Variants in STT3A observed in about 807,000 individuals in gnomAD.
STT3A encodes the protein dolichyl-diphosphooligosaccharide--protein glycosyltransferase subunit STT3A.
In STT3A, 34 loss-of-function variants were observed where a neutral mutation model predicts 89.2. The ratio of observed to expected loss-of-function variants is 0.38; its 90% CI spans 0.29 to 0.51. The LOEUF (loss-of-function observed/expected upper bound fraction) is 0.51, where lower values mean the gene tolerates loss of function less well. Among genes scored for constraint, STT3A ranks in the 20% least tolerant of loss-of-function variants. The pLI, the probability that STT3A is intolerant of heterozygous loss-of-function variation, is 0.89. For synonymous variants in STT3A, 282 were observed against 310.3 expected (o/e 0.91, Z 0.96); for missense variants, 555 against 889.5 (o/e 0.62, Z 4.78).
intron 3 of STT3A, among the ~76,000 whole-genome samples, chr11:125,599,372 T>C (rs949323582): frequency 7.2e-5 from 11 of 152,196 alleles, no homozygotes; most frequent in Non-Finnish European, 4.4e-5. Flanking sequence ...TCCATAGTAA[T>C]TAAACTGTCT....
At chr11:125,604,016 C>T in intron 5 of STT3A, 141 bp from the exon 6 acceptor site, 1 of 813,730 alleles carries the variant, frequency 1.2e-6, no homozygotes, top group Non-Finnish European at 1.9e-6. Context: ...GCATTTCTAG[C>T]ATTTCTAACA....
At chr11:125,603,343 A>T (rs7110800) in intron 5 of STT3A, 16,352 of 158,454 alleles carry the variant, frequency 0.1, 1,231 homozygotes, top group African/African-American at 0.22. Context: ...TTTAAAAAAA[A>T]TTTTTTTTTA....
At chr11:125,608,040 A>G in intron 8 of STT3A, 69 bp from the exon 9 acceptor site, 1 of 1,475,262 alleles carries the variant, frequency 6.8e-7, no homozygotes, top group South Asian at 1.4e-5. Flanking sequence ...GATAAGAATA[A>G]TGCAGGCCTG....
chr11:125,592,789 C>T (rs151263120), upstream of STT3A: 7 of 221,614 alleles, frequency 3.2e-5, no homozygotes, highest in South Asian at 2.7e-4. Context: ...TCTCCAGAAG[C>T]GTCCTATTGG....
chr11:125,613,922 C>A lies in STT3A; in HGVS notation c.1555-165C>A. 1 of 625,268 alleles carries A rather than the reference C, an allele frequency of 1.6e-6. No individual in the cohort carries two copies. Among genetic ancestry groups the A allele is most frequent in the Non-Finnish European group, 2.9e-6 (1 of 346,818 alleles). The allele number at this position is 625,268 out of a possible 1,614,324, so 38.7% of individuals were successfully genotyped here. A position where few individuals can be genotyped will look rare whatever the true frequency, so the allele number is the denominator to read the frequency against. On this transcript the variant is annotated intron_variant, in intron 13 of 17. Transcript: ENST00000392708. This position sits in a 1 kb window ranked among gnomAD's most constrained non-coding sequence, Gnocchi z 4.2. ...TTTATAATTGTATATAAATGGAAGA[C>A]CAGGTGCCAGGATTTATTTTCTGGT...
rs1473852794 is a variant in STT3A at position 125,620,902 on chromosome 11, T to G, written c.*92T>G. 8.7e-7 allele frequency: 1 copy of G among 1,150,470 alleles called. No homozygotes were observed. The highest frequency in any genetic ancestry group is 1.6e-5 in the African/African-American group (1 of 63,318). The allele number at this position is 1,150,470 out of a possible 1,614,324, so 71.3% of individuals were successfully genotyped here. A position where few individuals can be genotyped will look rare whatever the true frequency, so the allele number is the denominator to read the frequency against. ...TTTTTTTTTTTTTTTAATATGCAGTTTGTAAGAACAAAACTGGATGGCATC... is the reference window on the plus strand; with the variant it reads ...TTTTTTTTTTTTTTTAATATGCAGTGTGTAAGAACAAAACTGGATGGCATC... On this transcript the variant is annotated 3_prime_UTR_variant, in exon 18 of 18. Coordinates refer to ENST00000392708, the MANE Select transcript of STT3A (RefSeq NM_152713.5).
intron 15 of STT3A, among the ~76,000 whole-genome samples, chr11:125,617,305 C>A (rs1229449096): frequency 6.6e-6 from 1 of 151,988 alleles, no homozygotes; most frequent in Non-Finnish European, 1.5e-5. Flanking sequence ...TCTTATTTTT[C>A]TAATTTGACA....
chr11:125,619,034 A>G (rs539918388), intron 16 of STT3A, among the ~76,000 whole-genome samples: 2 of 149,536 alleles, frequency 1.3e-5, no homozygotes, highest in South Asian at 2.1e-4. Flanking sequence ...GCACCTAGCT[A>G]TTGTTATTTT....
At chr11:125,612,892 G>A (rs1329590076) in intron 12 of STT3A, 97 bp from the exon 13 acceptor site, 1 of 1,522,842 alleles carries the variant, frequency 6.6e-7, no homozygotes. Flanking sequence ...GACTTATTTT[G>A]ATCAATCTCA....
rs1332213609 is a variant in STT3A at position 125,602,856 on chromosome 11, A to G, written c.325A>G (p.Thr109Ala). 1 of 1,613,906 alleles carries G rather than the reference A, an allele frequency of 6.2e-7. No individual in the cohort carries two copies. Among genetic ancestry groups the G allele is most frequent in the East Asian group, 2.2e-5 (1 of 44,884 alleles). Residue 109 changes from threonine (T) to alanine (A), a missense_variant, in exon 5 of 18, where the codon ACC becomes GCC. Thr to Ala is a moderately conservative substitution (Grantham distance 58, BLOSUM62 0). Coordinates refer to ENST00000392708, the MANE Select transcript of STT3A (RefSeq NM_152713.5). ...IYHVLHFFHITIDIRNVCVFL... is the reference protein window; with the variant it reads ...IYHVLHFFHIAIDIRNVCVFL... ...CCATGTACTCCATTTTTTCCACATCACCATCGACATTCGGAATGTCTGTGT... is the reference window on the plus strand; with the variant it reads ...CCATGTACTCCATTTTTTCCACATCGCCATCGACATTCGGAATGTCTGTGT...
At chr11:125,595,483 C>G (rs1432514481) in intron 1 of STT3A, among the ~76,000 whole-genome samples, 2 of 152,068 alleles carry the variant, frequency 1.3e-5, no homozygotes, top group Non-Finnish European at 2.9e-5. Flanking sequence ...CCCCTGCCAC[C>G]CCATATAGTC....
chr11:125,609,359 G>A (rs1939932347), intron 9 of STT3A, 75 bp from the exon 10 acceptor site: 2 of 1,465,116 alleles, frequency 1.4e-6, no homozygotes, highest in African/African-American at 1.4e-5. Context: ...ATTAAAATGG[G>A]AAGTTGTGAT....
chr11:125,615,057 C>G (rs534377099), intron 15 of STT3A, among the ~76,000 whole-genome samples: 2 of 152,224 alleles, frequency 1.3e-5, no homozygotes, highest in African/African-American at 2.4e-5. Context: ...GGGCGGATCA[C>G]TTGAGGTCAG....
chr11:125,595,003 G>A (rs919606746), intron 1 of STT3A: 3 of 152,136 alleles, frequency 2.0e-5, no homozygotes, highest in Non-Finnish European at 2.9e-5. Context: ...GATTGTACCT[G>A]CATTAGTTAT....
At chr11:125,596,136 T>C (rs1939488913) in intron 2 of STT3A, 133 bp downstream of exon 2, 1 of 735,058 alleles carries the variant, frequency 1.4e-6, no homozygotes, top group Non-Finnish European at 2.3e-6. Flanking sequence ...CTCATTAGTA[T>C]AATTTTATGA....
intron 8 of STT3A, among the ~76,000 whole-genome samples, chr11:125,607,276 C>G (rs1242094802): frequency 6.6e-6 from 1 of 152,212 alleles, no homozygotes; most frequent in Non-Finnish European, 1.5e-5. Flanking sequence ...GTTCCATAGG[C>G]TAGGCGTATT....
At chr11:125,610,470 G>A (rs1367909555) in intron 10 of STT3A, among the ~76,000 whole-genome samples, 1 of 152,102 alleles carries the variant, frequency 6.6e-6, no homozygotes, top group Non-Finnish European at 1.5e-5. Flanking sequence ...TATAATCCTA[G>A]CCAGTTAGGA....
At chr11:125,611,208 T>G (rs1432146864) in intron 10 of STT3A, 3 of 406,948 alleles carry the variant, frequency 7.4e-6, no homozygotes, top group African/African-American at 2.0e-5. Flanking sequence ...GCTCCTTGTT[T>G]TTGGACATTT....
At chr11:125,617,963 T>A (rs1591381666) in intron 15 of STT3A, among the ~76,000 whole-genome samples, 1 of 152,258 alleles carries the variant, frequency 6.6e-6, no homozygotes, top group African/African-American at 2.4e-5. Context: ...TTTTTTTTAC[T>A]AACTTTTCAA....
Sources: allele counts gnomAD v4.1 joint callset (sites outside exome capture counted in the v4.1 genomes callset), GRCh38; gene constraint gnomAD v4.1.1; non-coding constraint Gnocchi (gnomAD v3.1); transcripts MANE v1.5; gene names NCBI Gene and HGNC (gene_info 2026-07-23, HGNC 2026-07-21).